The following C2CD2 variants were observed in gnomAD, a reference collection of about 807,000 sequenced individuals.
The protein encoded by C2CD2 is C2 domain-containing protein 2.
C2CD2 carries 43 observed loss-of-function variants against 74.3 expected under a neutral mutation model. The observed-to-expected ratio is 0.58, with a 90% confidence interval of 0.45 to 0.75. The LOEUF (loss-of-function observed/expected upper bound fraction) is 0.75. C2CD2 is among the 30% of genes least tolerant of loss of function. The probability of loss-of-function intolerance (pLI) is 0.00; values close to 1 mark genes in which losing one functional copy is unlikely to be tolerated. For missense variants in C2CD2, 801 were observed against 916.3 expected (o/e 0.87, Z 1.63); for synonymous variants, 422 against 390.7 (o/e 1.08, Z -0.94).
chr21:41,921,601 C>G (rs2065154571), intron 3 of C2CD2, among the ~76,000 whole-genome samples: 1 of 152,236 alleles, frequency 6.6e-6, no homozygotes, highest in Admixed American at 6.5e-5. Flanking sequence ...ACGGCAGCCA[C>G]TCAGCTGTGT....
Position 41,901,603 on chromosome 21 carries a change from C to T in C2CD2, c.1560+19G>A, listed in dbSNP as rs1389027000. ...GACAGATGACCAGATGAACACCTCCCCAGCCACCACGATGGTACCTTGGAG... is the reference window on the plus strand; with the variant it reads ...GACAGATGACCAGATGAACACCTCCTCAGCCACCACGATGGTACCTTGGAG... On this transcript the variant is annotated intron_variant, in intron 12 of 13. Transcript: ENST00000380486. The T allele has an allele frequency of 5.6e-6, 9 of 1,614,030 alleles. No individual in the cohort carries two copies. Among genetic ancestry groups the T allele is most frequent in the East Asian group, 2.2e-5 (1 of 44,882 alleles).
chr21:41,904,234 A>T (rs1208032398), intron 11 of C2CD2, among the ~76,000 whole-genome samples: 1 of 152,180 alleles, frequency 6.6e-6, no homozygotes, highest in Non-Finnish European at 1.5e-5. Context: ...TCCCACCAGC[A>T]CCATGACAGT....
Position 41,907,744 on chromosome 21 carries a change from C to A in C2CD2, c.1059G>T (p.Lys353Asn), listed in dbSNP as rs1287160905. 12 of 1,613,858 alleles carry A rather than the reference C, an allele frequency of 7.4e-6. No homozygotes were observed. The highest frequency in any genetic ancestry group is 1.0e-5 in the Non-Finnish European group (12 of 1,179,934). The change falls in exon 9 of 14, where the codon AAG becomes AAT. Residue 353 changes from lysine to asparagine, a missense_variant. By Grantham distance (94) the Lys-to-Asn change is moderately conservative. Transcript: ENST00000380486. ...AGCTCTGTGGCCCAGAAGGCTGCTT[C>A]TTAAATAAGTCCAGAGGAACTGTCG... ...ATATVPLDLF[K>N]KQPSGPQSFT... is the part of the protein sequence containing the mutation.
Position 41,945,868 on chromosome 21 carries a change from T to C in C2CD2, c.280-3623A>G, listed in dbSNP as rs1198861803. On this transcript the variant is annotated intron_variant, in intron 1 of 13. Transcript: ENST00000380486. The surrounding 1 kb of genome is among the most constrained non-coding windows in gnomAD (Gnocchi z 4.2). ...TTCCCCAGCCATGTGGAACTGTGAG[T>C]CATTAAATGTCTTTCCTTTATCAAT... is the stretch of plus-strand genomic sequence containing the variant. 1.3e-5 allele frequency among the ~76,000 whole-genome samples: 2 copies of C among 152,152 alleles called. No individual in the cohort carries two copies. The highest frequency in any genetic ancestry group is 1.5e-5 in the Non-Finnish European group (1 of 68,020).
Position 41,889,308 on chromosome 21 carries a change from CG to C in C2CD2, c.1906del (p.Arg636AlafsTer11). On this transcript the variant is annotated frameshift_variant, in exon 14 of 14. Transcript: ENST00000380486. LOFTEE classifies it high-confidence loss of function. ...TGGGTCTTTCTGTTGATGCCGCCGG[CG>C]GAAGAACAGCTTTGCACCTTTCCTT... ...ILRKGAKLFFRRRHQQKDPGM... is the reference protein window; with the variant it reads ...ILRKGAKLFFXRRHQQKDPGM... The C allele has an allele frequency of 6.2e-7, 1 of 1,613,982 alleles. No homozygotes were observed. The highest frequency in any genetic ancestry group is 8.5e-7 in the Non-Finnish European group (1 of 1,179,962).
At position 41,899,192 on chromosome 21, in the gene C2CD2, G is replaced by A. The variant is rs201849313; in HGVS notation, c.1731C>T (p.Asp577=). 65 of 1,612,656 alleles carry A rather than the reference G, an allele frequency of 4.0e-5. No individual in the cohort carries two copies. Among genetic ancestry groups the A allele is most frequent in the Non-Finnish European group, 5.3e-5 (63 of 1,179,520 alleles). Residue 577 remains aspartate, a synonymous_variant, in exon 13 of 14, where the codon GAC becomes GAT. Coordinates refer to ENST00000380486, the MANE Select transcript of C2CD2 (RefSeq NM_015500.2). This position sits in a 1 kb window ranked among gnomAD's most constrained non-coding sequence, Gnocchi z 4.4. The part of the protein sequence containing the change: ...QASLAPKPQE[D]ELDSWDLEKE... The stretch of plus-strand genomic sequence containing the variant: ...TCTCCAAGTCCCAGGAGTCTAGCTC[G>A]TCCTCCTGGGGCTTGGGGGCAAGGG...
rs190268121 is a variant in C2CD2, at chr21:41,938,522, G to A, written c.378+3625C>T. Among the ~76,000 whole-genome samples the A allele has an allele frequency of 9.8e-4, 149 of 152,120 alleles. 1 individual carries two copies. Among genetic ancestry groups the A allele is most frequent in the African/African-American group, 3.5e-3 (145 of 41,480 alleles). On this transcript the variant is annotated intron_variant, in intron 2 of 13. Transcript: ENST00000380486. ...TCCAGAACCTGCATCTTCCCAAACT[G>A]AAACTCTGTCCTCACTAAGCACTAA...
intron 12 of C2CD2, 130 bp downstream of exon 12, chr21:41,901,492 A>G: frequency 1.1e-6 from 1 of 946,196 alleles, no homozygotes; most frequent in South Asian, 1.3e-5. Context: ...GAGGAACATA[A>G]TTTGACATTT....
rs1601582093 is a variant in C2CD2 at position 41,919,155 on chromosome 21, CATGT to C, written c.493-199_493-196del. 2.4e-5 allele frequency: 14 copies of C among 595,504 alleles called. No homozygotes were observed. In the East Asian group the frequency reaches 4.0e-4, roughly 17 times the overall value. 36.9% of individuals were successfully genotyped at this position (595,504 alleles called of 1,614,324 possible). ...ATATGAGCATGTGTGCTCATGTGTG[CATGT>C]ATGAGCATGTGTGTGCATGTGAGTG... On this transcript the variant is annotated intron_variant, in intron 3 of 13. Transcript: ENST00000380486.
At chr21:41,901,073 G>C (rs1217785627) in intron 12 of C2CD2, 1 of 157,510 alleles carries the variant, frequency 6.3e-6, no homozygotes, top group Non-Finnish European at 1.4e-5. Flanking sequence ...TTCACCTGAG[G>C]GGCTGGCCTC....
At chr21:41,949,117 A>G (rs1043264845) in intron 1 of C2CD2, among the ~76,000 whole-genome samples, 9 of 151,994 alleles carry the variant, frequency 5.9e-5, no homozygotes, top group Admixed American at 6.6e-5. Flanking sequence ...CACATGGTCC[A>G]GACAGCATCA....
chr21:41,934,210 T>A (rs2065287134), intron 2 of C2CD2, among the ~76,000 whole-genome samples: 1 of 152,160 alleles, frequency 6.6e-6, no homozygotes, highest in African/African-American at 2.4e-5. Flanking sequence ...GATGGATTAC[T>A]TGAGCCCAGG....
chr21:41,885,194 C>T lies in C2CD2; in HGVS notation c.*3930G>A, dbSNP rs546977305. 11 of 152,388 alleles carry T rather than the reference C, an allele frequency of 7.2e-5. No individual in the cohort carries two copies. The highest frequency in any genetic ancestry group is 5.8e-4 in the East Asian group (3 of 5,190). The allele number at this position is 152,388 out of a possible 1,614,324, so 9.4% of individuals were successfully genotyped here. A position where few individuals can be genotyped will look rare whatever the true frequency, so the allele number is the denominator to read the frequency against. On this transcript the variant is annotated 3_prime_UTR_variant, in exon 14 of 14. Coordinates refer to ENST00000380486, the MANE Select transcript of C2CD2 (RefSeq NM_015500.2). ...TTCTCCAAAGGAACCCACCCAAGCC[C>T]GTGTGCAGGCTTGCTGCAGGGCTGT...
At position 41,911,685 on chromosome 21, in the gene C2CD2, G is replaced by T. The variant is rs561306253; in HGVS notation, c.953+647C>A. ...TTACATGTGTGAGCTACTGTTCCCA[G>T]ACTTTCTTTCTTTTTTTTTTTTTGA... is the stretch of plus-strand genomic sequence containing the variant. On this transcript the variant is annotated intron_variant, in intron 7 of 13. Transcript: ENST00000380486. 3.8e-4 allele frequency among the ~76,000 whole-genome samples: 58 copies of T among 151,314 alleles called. No individual in the cohort carries two copies. The South Asian group carries it at 0.012, about 31-fold the overall frequency.
intron 2 of C2CD2, among the ~76,000 whole-genome samples, chr21:41,935,998 A>C (rs1055804070): frequency 1.3e-5 from 1 of 77,220 alleles, no homozygotes; most frequent in Non-Finnish European, 3.5e-5. Context: ...AAACTACTAG[A>C]AAAAAAAACA....
At chr21:41,920,269 G>C (rs1363505032) in intron 3 of C2CD2, among the ~76,000 whole-genome samples, 1 of 152,204 alleles carries the variant, frequency 6.6e-6, no homozygotes, top group African/African-American at 2.4e-5. Flanking sequence ...GTTTTAAACT[G>C]TTCAGGGTCA....
intron 10 of C2CD2, 56 bp from the exon 11 acceptor site, chr21:41,905,893 G>T: frequency 1.0e-6 from 1 of 967,832 alleles, no homozygotes; most frequent in Non-Finnish European, 1.7e-6. Context: ...TGGATCAACA[G>T]TTACCGAAAA....
rs529599688 is a variant in C2CD2, at chr21:41,892,832, G to A, written c.1871-3488C>T. On this transcript the variant is annotated intron_variant, in intron 13 of 13. Transcript: ENST00000380486. The surrounding 1 kb of genome is among the most constrained non-coding windows in gnomAD (Gnocchi z 4.6). ...CACCATACCTGCTCTCCTGCATGTC[G>A]CTGCTCATGCTCCTTCGCACTTCAC... Among the ~76,000 whole-genome samples the A allele has an allele frequency of 6.6e-6, 1 of 152,374 alleles. No homozygotes were observed. The highest frequency in any genetic ancestry group is 2.1e-4 in the South Asian group (1 of 4,828).
At chr21:41,937,109 G>A (rs544789170) in intron 2 of C2CD2, among the ~76,000 whole-genome samples, 3 of 129,634 alleles carry the variant, frequency 2.3e-5, no homozygotes, top group East Asian at 4.6e-4. Flanking sequence ...GTGAGCCACC[G>A]CACCCAGCAT....
Sources: gnomAD v4.1 joint callset for allele counts (sites outside exome capture counted in the v4.1 genomes callset) on GRCh38, gnomAD v4.1.1 for gene constraint, Gnocchi (gnomAD v3.1) non-coding constraint, MANE v1.5 for transcripts, NCBI Gene and HGNC (gene_info 2026-07-23, HGNC 2026-07-21) for gene names.